Variants in GLIS3 observed in about 807,000 individuals in gnomAD.
GLIS3 encodes GLIS family zinc finger 3, also known as zinc finger protein GLIS3.
GLIS3 carries 53 observed loss-of-function variants against 78.6 expected under a neutral mutation model. That is an observed-to-expected ratio of 0.67 (90% CI 0.54 to 0.85). The LOEUF (loss-of-function observed/expected upper bound fraction) is 0.85. Ranked by LOEUF, GLIS3 falls within the 40% of genes least tolerant of loss-of-function variation. GLIS3 has a pLI of 0.00. For missense variants in GLIS3, 1,703 were observed against 1,231.1 expected, an observed-to-expected ratio of 1.38 and a Z score of -5.74; for synonymous variants, 684 against 509.9, an observed-to-expected ratio of 1.34 and a Z score of -4.60.
At chr9:4,197,506 G>C (rs1013799643) in intron 2 of GLIS3, among the ~76,000 whole-genome samples, 1 of 152,066 alleles carries the variant, frequency 6.6e-6, no homozygotes, top group Admixed American at 6.5e-5. Flanking sequence ...TTAAGGCCAA[G>C]GAGGTTTCCC....
At chr9:3,877,268 T>C (rs1027544391) in intron 8 of GLIS3, among the ~76,000 whole-genome samples, 1 of 152,212 alleles carries the variant, frequency 6.6e-6, no homozygotes, top group African/African-American at 2.4e-5. Flanking sequence ...AATCTTAATT[T>C]ATAGGAATAT....
At chr9:4,123,173 T>C (rs1832317251) in intron 3 of GLIS3, among the ~76,000 whole-genome samples, 1 of 152,114 alleles carries the variant, frequency 6.6e-6, no homozygotes, top group Non-Finnish European at 1.5e-5. Flanking sequence ...AACTTTAATA[T>C]TGTCAATAAT....
intron 2 of GLIS3, among the ~76,000 whole-genome samples, chr9:4,166,607 G>T (rs975694713): frequency 2.0e-5 from 3 of 152,146 alleles, no homozygotes; most frequent in African/African-American, 4.8e-5. Context: ...TCTCCTTCCA[G>T]GAGTTCAGTT....
chr9:4,347,700 TTTTG>T (rs767600699), intron 1 of GLIS3, among the ~76,000 whole-genome samples: 11 of 151,734 alleles, frequency 7.2e-5, no homozygotes, highest in East Asian at 3.9e-4. Context: ...CATGGTAGCT[TTTTG>T]TTTGTTTGTT....
In GLIS3 at chr9:4,118,914, A is replaced by C; in HGVS notation, c.597-33T>G. 1 of 1,594,800 alleles carries C rather than the reference A, an allele frequency of 6.3e-7. No homozygotes were observed. The highest frequency in any genetic ancestry group is 8.5e-7 in the Non-Finnish European group (1 of 1,177,162). ...AGCAGCCAGAAAGGAAGAAAAAAAA[A>C]AGATAAACATTTTAGCAGGATACGG... On this transcript the variant is annotated intron_variant, in intron 3 of 10. Transcript: ENST00000381971. The surrounding 1 kb of genome is among the most constrained non-coding windows in gnomAD (Gnocchi z 4.7).
In GLIS3 at chr9:3,885,378, C is replaced by T. The variant is rs370538892; in HGVS notation, c.2129-5783G>A. ...ACCACTGAGCTGCTTTGTAAATCTG[C>T]GTTGGAGTCATTCATGGTTGCATTA... is the stretch of plus-strand genomic sequence containing the variant. On this transcript the variant is annotated intron_variant, in intron 7 of 10. Coordinates refer to ENST00000381971, the MANE Select transcript of GLIS3 (RefSeq NM_001042413.2). Among the ~76,000 whole-genome samples, 6 of 152,246 alleles carry T rather than the reference C, an allele frequency of 3.9e-5. No individual in the cohort carries two copies. The East Asian group carries it at 9.7e-4, about 25-fold the overall frequency.
At chr9:4,141,032 T>A (rs975709648) in intron 2 of GLIS3, among the ~76,000 whole-genome samples, 2 of 152,172 alleles carry the variant, frequency 1.3e-5, no homozygotes, top group African/African-American at 4.8e-5. Context: ...ACTCCTCACC[T>A]CAGGTGATCC....
chr9:4,058,562 G>A (rs185461385), intron 4 of GLIS3, among the ~76,000 whole-genome samples: 2 of 152,028 alleles, frequency 1.3e-5, no homozygotes, highest in Admixed American at 6.5e-5. Flanking sequence ...TTTAAACCCT[G>A]CCTAATAATT....
At chr9:4,089,341 A>G (rs1488969080) in intron 4 of GLIS3, among the ~76,000 whole-genome samples, 7 of 148,946 alleles carry the variant, frequency 4.7e-5, no homozygotes, top group Admixed American at 2.7e-4. Context: ...TGAAGAGTGG[A>G]TAACATTTTT....
intron 2 of GLIS3, among the ~76,000 whole-genome samples, chr9:4,255,379 G>A (rs532950941): frequency 6.6e-6 from 1 of 152,228 alleles, no homozygotes; most frequent in South Asian, 2.1e-4. Context: ...CAAAGGAGTT[G>A]AAAACTTAGG....
chr9:3,932,962 A>G, intron 5 of GLIS3: 1 of 285,728 alleles, frequency 3.5e-6, no homozygotes, highest in East Asian at 7.9e-5. Context: ...AGAGAAAATT[A>G]GTGTAAAGTG....
At chr9:3,905,247 C>A (rs1823610506) in intron 6 of GLIS3, among the ~76,000 whole-genome samples, 1 of 151,288 alleles carries the variant, frequency 6.6e-6, no homozygotes, top group African/African-American at 2.4e-5. Flanking sequence ...GCCTCGGCCT[C>A]CCAAAGTGCT....
chr9:3,943,417 AG>A (rs2130815908), intron 4 of GLIS3, among the ~76,000 whole-genome samples: 1 of 152,362 alleles, frequency 6.6e-6, no homozygotes, highest in Non-Finnish European at 1.5e-5. Flanking sequence ...CTCATGTTGC[AG>A]TCAAATCACC....
intron 4 of GLIS3, among the ~76,000 whole-genome samples, chr9:4,088,903 C>A (rs1335376973): frequency 1.3e-5 from 2 of 152,224 alleles, no homozygotes; most frequent in African/African-American, 2.4e-5. Flanking sequence ...AAGGGCTTCA[C>A]CCCAAAAGGC....
intron 2 of GLIS3, among the ~76,000 whole-genome samples, chr9:4,314,576 G>T (rs982449625): frequency 2.0e-5 from 3 of 152,126 alleles, no homozygotes; most frequent in Admixed American, 2.0e-4. Context: ...CACAGTGCAG[G>T]GTAAACCTCT....
At chr9:4,345,078 G>A (rs550940823) in intron 2 of GLIS3, among the ~76,000 whole-genome samples, 5 of 152,218 alleles carry the variant, frequency 3.3e-5, no homozygotes, top group Middle Eastern at 6.8e-3. Context: ...ACTTAAATCA[G>A]ATCACTCCTC....
the GLIS3 span, among the ~76,000 whole-genome samples, chr9:4,470,796 A>G: frequency 2.7e-4 from 41 of 150,646 alleles, no homozygotes; most frequent in African/African-American, 9.4e-4. Flanking sequence ...TTCAATTAGG[A>G]AAAGAGGAAG....
At chr9:4,456,470 C>G in the GLIS3 span, among the ~76,000 whole-genome samples, 1 of 152,202 alleles carries the variant, frequency 6.6e-6, no homozygotes, top group Non-Finnish European at 1.5e-5. Context: ...ATCTAGACTA[C>G]TAAAACTTTC....
At chr9:4,101,420 G>A (rs550647987) in intron 4 of GLIS3, among the ~76,000 whole-genome samples, 1 of 152,104 alleles carries the variant, frequency 6.6e-6, no homozygotes, top group South Asian at 2.1e-4. Context: ...TCTTTCATGA[G>A]CATAGTGGGA....
Sources: allele counts gnomAD v4.1 joint callset (sites outside exome capture counted in the v4.1 genomes callset), GRCh38; gene constraint gnomAD v4.1.1; non-coding constraint Gnocchi (gnomAD v3.1); transcripts MANE v1.5; gene names NCBI Gene and HGNC (gene_info 2026-07-23, HGNC 2026-07-21).